NFE2: variants seen among roughly 807,000 people sequenced by gnomAD.
The protein encoded by NFE2 is transcription factor NF-E2 45 kDa subunit.
In NFE2, 13 loss-of-function variants were observed where a neutral mutation model predicts 25.8. That is an observed-to-expected ratio of 0.50 (90% CI 0.33 to 0.80). NFE2 has a LOEUF of 0.80. Among genes scored for constraint, NFE2 ranks in the 30% least tolerant of loss-of-function variants. The pLI, the probability that NFE2 is intolerant of heterozygous loss-of-function variation, is 0.02. For synonymous variants in NFE2, 204 were observed against 200.2 expected (o/e 1.02, Z -0.16); for missense variants, 382 against 478.9 (o/e 0.80, Z 1.89).
chr12:54,300,291 G>T (rs1251322025), intron 1 of NFE2: 3 of 152,374 alleles, frequency 2.0e-5, no homozygotes, highest in East Asian at 1.9e-4. Context: ...GCACAGAGAA[G>T]AGAAAGGGCA....
At chr12:54,298,231 C>T (rs1297265053) in intron 1 of NFE2, among the ~76,000 whole-genome samples, 7 of 152,094 alleles carry the variant, frequency 4.6e-5, no homozygotes, top group South Asian at 4.1e-4. Flanking sequence ...GACCTTGCTA[C>T]GCACGGTGGC....
chr12:54,299,111 G>C (rs1048245310), intron 1 of NFE2, among the ~76,000 whole-genome samples: 1 of 151,948 alleles, frequency 6.6e-6, no homozygotes, highest in Non-Finnish European at 1.5e-5. Flanking sequence ...AGAGAGTTGA[G>C]GAGAACCTCT....
At chr12:54,295,075 A>C (rs1227068778) in intron 2 of NFE2, 60 bp downstream of exon 2, 4 of 1,437,658 alleles carry the variant, frequency 2.8e-6, no homozygotes, top group Non-Finnish European at 3.9e-6. Context: ...GTCCTGGCCA[A>C]CTCCCTGCTT....
chr12:54,296,186 C>T (rs1009894074), intron 1 of NFE2, among the ~76,000 whole-genome samples: 1 of 152,072 alleles, frequency 6.6e-6, no homozygotes, highest in Non-Finnish European at 1.5e-5. Flanking sequence ...GCAGGTGGAT[C>T]ACCTGAGGTC....
At chr12:54,293,472 G>C (rs1347362904) in intron 2 of NFE2, 91 bp from the exon 3 acceptor site, 2 of 1,331,526 alleles carry the variant, frequency 1.5e-6, no homozygotes, top group Non-Finnish European at 9.9e-7. Flanking sequence ...TCTGAAAGTC[G>C]CAGTGAGGTA....
chr12:54,292,963 A>C lies in NFE2; in HGVS notation c.533T>G (p.Val178Gly). 1 of 1,576,854 alleles carries C rather than the reference A, an allele frequency of 6.3e-7. No homozygotes were observed. Among genetic ancestry groups the C allele is most frequent in the Non-Finnish European group, 8.6e-7 (1 of 1,160,422 alleles). Residue 178 changes from valine (V) to glycine (G), a missense_variant, in exon 3 of 3, where the codon GTG (valine) becomes GGG (glycine). Val to Gly is a moderately radical substitution (Grantham distance 109). Transcript: ENST00000435572. Reference sequence around the variant, plus strand: ...GGGCATGAGTGAGTAGGGGTACTCCACTGGGTACATCTCTACATATTCGCT... The same window carrying C: ...GGGCATGAGTGAGTAGGGGTACTCCCCTGGGTACATCTCTACATATTCGCT... ...RRSEYVEMYPVEYPYSLMPNS... is the reference protein window; with the variant it reads ...RRSEYVEMYPGEYPYSLMPNS...
In NFE2 at chr12:54,292,926, G is replaced by A. The variant is rs377099165; in HGVS notation, c.570C>T (p.Ala190=). ...CAGCTGGCAAGGTATAGTTGGAGTG[G>A]GCCAAGGAGTTGGGCATGAGTGAGT... is the stretch of plus-strand genomic sequence containing the variant. ...YPYSLMPNSL[A]HSNYTLPAAE... Residue 190 remains alanine, a synonymous_variant, in exon 3 of 3, where the codon GCC becomes GCT. Coordinates refer to ENST00000435572, the MANE Select transcript of NFE2 (RefSeq NM_001136023.3). The A allele has an allele frequency of 6.2e-7, 1 of 1,602,082 alleles. No homozygotes were observed. The highest frequency in any genetic ancestry group is 1.7e-4 in the Middle Eastern group (1 of 5,990).
intron 2 of NFE2, 53 bp downstream of exon 2, chr12:54,295,082 G>T: frequency 6.7e-7 from 1 of 1,489,784 alleles, no homozygotes; most frequent in Non-Finnish European, 9.3e-7. Context: ...CCAACTCCCT[G>T]CTTCTCTCTT....
intron 1 of NFE2, among the ~76,000 whole-genome samples, chr12:54,298,397 C>T (rs1944392872): frequency 6.6e-6 from 1 of 150,394 alleles, no homozygotes; most frequent in African/African-American, 2.4e-5. Flanking sequence ...ATCCCAGCTA[C>T]TTGGGGGGAT....
At position 54,292,379 on chromosome 12, in the gene NFE2, C is replaced by T. The variant is rs1473611364; in HGVS notation, c.1117G>A (p.Asp373Asn). 2.5e-6 allele frequency: 4 copies of T among 1,613,288 alleles called. No individual in the cohort carries two copies. In the African/African-American group the frequency reaches 4.0e-5, roughly 16 times the overall value. ...VPRGTKMEAT[D>N] ...TTCCACCCCTCTGGGCCAGCTCAGTCTGTGGCCTCCATCTTGGTCCCCCGG... is the reference window on the plus strand; with the variant it reads ...TTCCACCCCTCTGGGCCAGCTCAGTTTGTGGCCTCCATCTTGGTCCCCCGG... Residue 373 changes from aspartate to asparagine, a missense_variant, in exon 3 of 3, where the codon GAC becomes AAC. Asp to Asn is a conservative substitution (Grantham distance 23). Transcript: ENST00000435572.
Position 54,292,667 on chromosome 12 carries a change from T to C in NFE2, c.829A>G (p.Lys277Glu), listed in dbSNP as rs754725380. The change falls in exon 3 of 3, where the codon AAG becomes GAG. Residue 277 changes from lysine (K) to glutamate (E), a missense_variant. Lys to Glu is a moderately conservative substitution (Grantham distance 56). Transcript: ENST00000435572. ...TTGCGGCAGTTCTGGGCTGCCACCTTGTTTTTGCCCCGTCGTCGGATGTCC... is the reference window on the plus strand; with the variant it reads ...TTGCGGCAGTTCTGGGCTGCCACCTCGTTTTTGCCCCGTCGTCGGATGTCC... ...VRDIRRRGKN[K>E]VAAQNCRKRK... 2 of 1,614,178 alleles carry C rather than the reference T, an allele frequency of 1.2e-6. No individual in the cohort carries two copies. Among genetic ancestry groups the C allele is most frequent in the East Asian group, 2.2e-5 (1 of 44,884 alleles).
Position 54,296,457 on chromosome 12 carries a change from T to A in NFE2, c.-56-1153A>T, listed in dbSNP as rs1039197068. Among the ~76,000 whole-genome samples the A allele has an allele frequency of 6.1e-5, 9 of 147,828 alleles. 1 individual carries two copies. Among genetic ancestry groups the A allele is most frequent in the African/African-American group, 2.0e-4 (8 of 40,194 alleles). ...CTGGTTTTCACAAAGATTCTAAAGG[T>A]ACATCAGAAACTGAGACTGAAGCTG... On this transcript the variant is annotated intron_variant, in intron 1 of 2. Transcript: ENST00000435572.
At chr12:54,293,665 A>G (rs930157534) in intron 2 of NFE2, among the ~76,000 whole-genome samples, 2 of 151,892 alleles carry the variant, frequency 1.3e-5, no homozygotes, top group Non-Finnish European at 2.9e-5. Flanking sequence ...CCTGGACAAC[A>G]TGGTGAAACC....
intron 1 of NFE2, chr12:54,300,415 A>T (rs1944412622): frequency 6.6e-6 from 1 of 152,326 alleles, no homozygotes. Context: ...AAACCTTCTC[A>T]GCTGCCTAGA....
At position 54,292,776 on chromosome 12, in the gene NFE2, G is replaced by C; in HGVS notation, c.720C>G (p.Asp240Glu). The C allele has an allele frequency of 6.2e-7, 1 of 1,614,206 alleles. No individual in the cohort carries two copies. Among genetic ancestry groups the C allele is most frequent in the East Asian group, 2.2e-5 (1 of 44,878 alleles). ...CATCTACCGGCAAGTTGACAATCTT[G>C]TCCGTAGGAAAAGGAATCTTCATGG... Reference protein sequence around the residue: ...ALAMKIPFPTDKIVNLPVDDF... With the variant: ...ALAMKIPFPTEKIVNLPVDDF... The change falls in exon 3 of 3, where the codon GAC becomes GAG. Residue 240 changes from aspartate to glutamate, a missense_variant. Transcript: ENST00000435572.
intron 1 of NFE2, among the ~76,000 whole-genome samples, chr12:54,298,287 T>C (rs1056079942): frequency 5.9e-5 from 9 of 151,512 alleles, no homozygotes; most frequent in Non-Finnish European, 1.3e-4. Flanking sequence ...ATGGGAGGAT[T>C]ACCTGAGGTC....
intron 1 of NFE2, among the ~76,000 whole-genome samples, chr12:54,296,681 C>T (rs1369045821): frequency 6.6e-6 from 1 of 152,078 alleles, no homozygotes; most frequent in Non-Finnish European, 1.5e-5. Flanking sequence ...TATACACTGC[C>T]CTCCAGTCCC....
rs1944334466 is a variant in NFE2 at position 54,293,087 on chromosome 12, T to C, written c.409A>G (p.Lys137Glu). The C allele has an allele frequency of 6.6e-7, 1 of 1,522,626 alleles. No homozygotes were observed. The allele number at this position is 1,522,626 out of a possible 1,614,324, so 94.3% of individuals were successfully genotyped here. A position where few individuals can be genotyped will look rare whatever the true frequency, so the allele number is the denominator to read the frequency against. Residue 137 changes from lysine to glutamate, a missense_variant, in exon 3 of 3, where the codon AAG (lysine) becomes GAG (glutamate). Transcript: ENST00000435572. ...LDIGLPAGPP[K>E]PQEDPESDSG... is the part of the protein sequence containing the mutation. The stretch of plus-strand genomic sequence containing the variant: ...TCGGATTCTGGGTCTTCTTGGGGCT[T>C]AGGTGGCCCTGCTGGCAGCCCAATG...
chr12:54,299,985 A>T (rs997400635), intron 1 of NFE2, among the ~76,000 whole-genome samples: 2 of 152,172 alleles, frequency 1.3e-5, no homozygotes, highest in African/African-American at 4.8e-5. Flanking sequence ...ATTTAAGCAT[A>T]GTGAGCTCAG....
Sources: gnomAD v4.1 joint callset for allele counts (sites outside exome capture counted in the v4.1 genomes callset) on GRCh38, gnomAD v4.1.1 for gene constraint, MANE v1.5 for transcripts, NCBI Gene and HGNC (gene_info 2026-07-23, HGNC 2026-07-21) for gene names.